The following DUSP1 variants were observed in gnomAD, a reference collection of about 807,000 sequenced individuals.
The protein encoded by DUSP1 is dual specificity protein phosphatase 1.
DUSP1 carries 10 observed loss-of-function variants against 27.4 expected under a neutral mutation model. That is an observed-to-expected ratio of 0.37 (90% CI 0.23 to 0.62). DUSP1 has a LOEUF of 0.62. Among genes scored for constraint, DUSP1 ranks in the 20% least tolerant of loss-of-function variants. The pLI is 0.68. For synonymous variants in DUSP1, 262 were observed against 223.6 expected, an observed-to-expected ratio of 1.17 and a Z score of -1.53; for missense variants, 425 against 508.1, an observed-to-expected ratio of 0.84 and a Z score of 1.57.
rs1479734129 is a variant in DUSP1 at position 172,771,142 on chromosome 5, T to TC, written c.-191dup. On this transcript the variant is annotated 5_prime_UTR_variant, in exon 1 of 4. Coordinates refer to ENST00000239223, the MANE Select transcript of DUSP1 (RefSeq NM_004417.4). ...CCGGGCTCCTCGGCTTCTTCGCGGTTCCCCCGACTGCCCCTCCGACCCGCG... is the reference window on the plus strand; with the variant it reads ...CCGGGCTCCTCGGCTTCTTCGCGGTTCCCCCCGACTGCCCCTCCGACCCGCG... 1.4e-6 allele frequency: 1 copy of TC among 734,774 alleles called. No homozygotes were observed. Among genetic ancestry groups the TC allele is most frequent in the Non-Finnish European group, 1.9e-6 (1 of 518,940 alleles). 45.5% of individuals were successfully genotyped at this position (734,774 alleles called of 1,614,324 possible).
intron 1 of DUSP1, 50 bp downstream of exon 1, chr5:172,770,536 G>C (rs745364103): frequency 3.3e-4 from 485 of 1,457,960 alleles, no homozygotes; most frequent in Non-Finnish European, 4.0e-4. Flanking sequence ...GGGGTACCGG[G>C]CAAAACCTCA....
intron 1 of DUSP1, 100 bp from the exon 2 acceptor site, chr5:172,770,406 A>T: frequency 6.3e-7 from 1 of 1,578,066 alleles, no homozygotes; most frequent in Non-Finnish European, 8.6e-7. Context: ...TTTACATCGG[A>T]AAGGCCCAGG....
At chr5:172,770,095 C>T (rs1759860204) in intron 2 of DUSP1, 66 bp downstream of exon 2, 1 of 1,520,356 alleles carries the variant, frequency 6.6e-7, no homozygotes, top group African/African-American at 1.4e-5. Context: ...TATATTCTCC[C>T]TGGCACTACT....
In DUSP1 at chr5:172,769,021, T is replaced by C; in HGVS notation, c.845A>G (p.Asp282Gly). Residue 282 changes from aspartate to glycine, a missense_variant, in exon 4 of 4, where the codon GAC (aspartate) becomes GGC (glycine). By Grantham distance (94) the Asp-to-Gly change is moderately conservative. Coordinates refer to ENST00000239223, the MANE Select transcript of DUSP1 (RefSeq NM_004417.4). ...YLMRTNRVKL[D>G]EAFEFVKQRR... The stretch of plus-strand genomic sequence containing the variant: ...CTGCTTCACAAACTCAAAGGCCTCG[T>C]CCAGCTTGACTCGATTAGTCCTCAT... 2 of 1,614,200 alleles carry C rather than the reference T, an allele frequency of 1.2e-6. No homozygotes were observed. Among genetic ancestry groups the C allele is most frequent in the African/African-American group, 2.7e-5 (2 of 75,042 alleles).
rs1759880324 is a variant in DUSP1, at chr5:172,770,808, T to A, written c.145A>T (p.Ser49Cys). 2 of 1,525,586 alleles carry A rather than the reference T, an allele frequency of 1.3e-6. No homozygotes were observed. Among genetic ancestry groups the A allele is most frequent in the African/African-American group, 1.4e-5 (1 of 71,696 alleles). 94.5% of individuals were successfully genotyped at this position (1,525,586 alleles called of 1,614,324 possible). ...TTGGCCCGGCGCCGCACGATGGTGC[T>A]GAAGCGCACGTTGACAGAGCCGGCG... is the stretch of plus-strand genomic sequence containing the variant. ...HIAGSVNVRF[S>C]TIVRRRAKGA... Residue 49 changes from serine (S) to cysteine (C), a missense_variant, in exon 1 of 4, where the codon AGC (serine) becomes TGC (cysteine). Transcript: ENST00000239223.
rs745555530 is a variant in DUSP1, at chr5:172,770,988, C to T, written c.-36G>A. 18 of 1,383,042 alleles carry T rather than the reference C, an allele frequency of 1.3e-5. No homozygotes were observed. Among genetic ancestry groups the T allele is most frequent in the Non-Finnish European group, 1.9e-6 (2 of 1,066,766 alleles). The allele number at this position is 1,383,042 out of a possible 1,614,324, so 85.7% of individuals were successfully genotyped here. A position where few individuals can be genotyped will look rare whatever the true frequency, so the allele number is the denominator to read the frequency against. On this transcript the variant is annotated 5_prime_UTR_variant, in exon 1 of 4. Transcript: ENST00000239223. ...AGCGCCCCCAGCGTGATCGGCCCTGCGGTGCTCTTTGTCTGTTCTCGGGGC... is the reference window on the plus strand; with the variant it reads ...AGCGCCCCCAGCGTGATCGGCCCTGTGGTGCTCTTTGTCTGTTCTCGGGGC...
At position 172,769,636 on chromosome 5, in the gene DUSP1, A is replaced by T; in HGVS notation, c.672T>A (p.Pro224=). 6.2e-7 allele frequency: 1 copy of T among 1,614,256 alleles called. No homozygotes were observed. Residue 224 remains proline (P), a synonymous_variant, in exon 3 of 4, where the codon CCT becomes CCA. Coordinates refer to ENST00000239223, the MANE Select transcript of DUSP1 (RefSeq NM_004417.4). ...FEGHYQYKSI[P]VEDNHKADIS... ...TGTCTGCCTTGTGGTTGTCCTCCACAGGGATGCTCTTGTACTGGTAGTGAC... is the reference window on the plus strand; with the variant it reads ...TGTCTGCCTTGTGGTTGTCCTCCACTGGGATGCTCTTGTACTGGTAGTGAC...
chr5:172,770,061 T>C lies in DUSP1; in HGVS notation c.513+100A>G, dbSNP rs1759859830. 23 of 1,477,966 alleles carry C rather than the reference T, an allele frequency of 1.6e-5. No individual in the cohort carries two copies. In the South Asian group the frequency reaches 2.9e-4, roughly 19 times the overall value. 91.6% of individuals were successfully genotyped at this position (1,477,966 alleles called of 1,614,324 possible). On this transcript the variant is annotated intron_variant, in intron 2 of 3. Coordinates refer to ENST00000239223, the MANE Select transcript of DUSP1 (RefSeq NM_004417.4). ...TCATATCCCTGTGTCCCCTCCGTTA[T>C]AAATAATGCTGCAGGTCACTTTCTA...
Position 172,770,622 on chromosome 5 carries a change from G to C in DUSP1, c.331C>G (p.Arg111Gly). ...TLALAAGALC[R>G]EARAAQVFFL... ...AAGACTTGCGCGGCGCGCGCCTCGC[G>C]GCAGAGCGCGCCGGCCGCCAGGGCC... The change falls in exon 1 of 4, where the codon CGC (arginine) becomes GGC (glycine). Residue 111 changes from arginine to glycine, a missense_variant. Arg to Gly is a moderately radical substitution (Grantham distance 125). This residue lies in a region of DUSP1 where 282 missense variants were observed against 319.3 expected (regional missense o/e 0.88). Transcript: ENST00000239223. 1 of 1,327,274 alleles carries C rather than the reference G, an allele frequency of 7.5e-7. No individual in the cohort carries two copies. Among genetic ancestry groups the C allele is most frequent in the South Asian group, 2.4e-5 (1 of 42,190 alleles). The allele number at this position is 1,327,274 out of a possible 1,614,324, so 82.2% of individuals were successfully genotyped here.
At chr5:172,770,475 T>C in intron 1 of DUSP1, 111 bp downstream of exon 1, 7 of 1,495,120 alleles carry the variant, frequency 4.7e-6, no homozygotes, top group Non-Finnish European at 6.1e-6. Flanking sequence ...ATAAATGTAC[T>C]CCAGCGCCCA....
Position 172,770,692 on chromosome 5 carries a change from G to T in DUSP1, c.261C>A (p.Asp87Glu). 1 of 1,369,682 alleles carries T rather than the reference G, an allele frequency of 7.3e-7. No homozygotes were observed. The highest frequency in any genetic ancestry group is 9.4e-7 in the Non-Finnish European group (1 of 1,065,578). 84.8% of individuals were successfully genotyped at this position (1,369,682 alleles called of 1,614,324 possible). Residue 87 changes from aspartate (D) to glutamate (E), a missense_variant, in exon 1 of 4, where the codon GAC (aspartate) becomes GAA (glutamate). Coordinates refer to ENST00000239223, the MANE Select transcript of DUSP1 (RefSeq NM_004417.4). ...AGAYHAVVLL[D>E]ERSAALDGAK... The stretch of plus-strand genomic sequence containing the variant: ...CGCCGTCCAGGGCGGCGCTGCGCTC[G>T]TCCAGCAACACCACGGCGTGGTAGG...
intron 1 of DUSP1, 77 bp downstream of exon 1, chr5:172,770,509 C>A: frequency 6.8e-7 from 1 of 1,466,822 alleles, no homozygotes; most frequent in African/African-American, 1.5e-5. Context: ...GGGCGATCCC[C>A]CGGGAGCCGA....
Position 172,768,934 on chromosome 5 carries a change from T to G in DUSP1, c.932A>C (p.Gln311Pro). The change falls in exon 4 of 4, where the codon CAG becomes CCG. Residue 311 changes from glutamine (Q) to proline (P), a missense_variant. This residue lies in a region of DUSP1 where 84 missense variants were observed against 80.5 expected (regional missense o/e 1.04). Transcript: ENST00000239223. ...TGCCGAACAGTGCGGAGCCAGCACC[T>G]GGGACTCAAACTGCAGCAGCTGGCC... ...FMGQLLQFES[Q>P]VLAPHCSAEA... 6.2e-7 allele frequency: 1 copy of G among 1,614,172 alleles called. No homozygotes were observed. Among genetic ancestry groups the G allele is most frequent in the Non-Finnish European group, 8.5e-7 (1 of 1,180,022 alleles).
chr5:172,769,746 G>C lies in DUSP1; in HGVS notation c.562C>G (p.His188Asp), dbSNP rs1759853266. 1 of 1,614,130 alleles carries C rather than the reference G, an allele frequency of 6.2e-7. No homozygotes were observed. Among genetic ancestry groups the C allele is most frequent in the Non-Finnish European group, 8.5e-7 (1 of 1,180,046 alleles). The part of the protein sequence containing the change: ...LPFLYLGSAY[H>D]ASRKDMLDAL... ...TCCAGCATGTCCTTGCGGGAAGCGT[G>C]ATACGCACTGCCCAGGTACAGAAAG... Residue 188 changes from histidine (H) to aspartate (D), a missense_variant, in exon 3 of 4, where the codon CAC becomes GAC. By Grantham distance (81) the His-to-Asp change is moderately conservative. Around this residue, in one of 3 missense-constraint regions of DUSP1, gnomAD observed 282 missense variants for 319.3 expected, o/e 0.88. Transcript: ENST00000239223.
At position 172,770,912 on chromosome 5, in the gene DUSP1, C is replaced by A; in HGVS notation, c.41G>T (p.Arg14Leu). Residue 14 changes from arginine to leucine, a missense_variant, in exon 1 of 4, where the codon CGG (arginine) becomes CTG (leucine). Physicochemically the swap from Arg to Leu is moderately radical, Grantham distance 102 (BLOSUM62 -2). Around this residue, in one of 3 missense-constraint regions of DUSP1, gnomAD observed 282 missense variants for 319.3 expected, o/e 0.88. Coordinates refer to ENST00000239223, the MANE Select transcript of DUSP1 (RefSeq NM_004417.4). ...EVGTLDAGGL[R>L]ALLGERAAQC... Reference sequence around the variant, plus strand: ...CGCCGCTCGCTCCCCCAGCAGCGCCCGCAGGCCTCCAGCGTCCAGGGTGCC... The same window carrying A: ...CGCCGCTCGCTCCCCCAGCAGCGCCAGCAGGCCTCCAGCGTCCAGGGTGCC... 6.5e-7 allele frequency: 1 copy of A among 1,536,750 alleles called. No individual in the cohort carries two copies. The highest frequency in any genetic ancestry group is 2.5e-5 in the East Asian group (1 of 40,610).
Position 172,770,949 on chromosome 5 carries a change from C to T in DUSP1, c.4G>A (p.Val2Ile), listed in dbSNP as rs1759884861. ...GCGTCCAGGGTGCCCACTTCCATGA[C>T]CATGGCCGGCCTCAGCGCCCCCAGC... M[V>I]MEVGTLDAGG... The change falls in exon 1 of 4, where the codon GTC becomes ATC. Residue 2 changes from valine to isoleucine, a missense_variant. Physicochemically the swap from Val to Ile is conservative, Grantham distance 29. This residue lies in a region of DUSP1 where 282 missense variants were observed against 319.3 expected (regional missense o/e 0.88). Transcript: ENST00000239223. 3 of 1,498,026 alleles carry T rather than the reference C, an allele frequency of 2.0e-6. No individual in the cohort carries two copies. The East Asian group carries it at 7.8e-5, about 39-fold the overall frequency. The allele number at this position is 1,498,026 out of a possible 1,614,324, so 92.8% of individuals were successfully genotyped here.
chr5:172,769,719 C>A lies in DUSP1; in HGVS notation c.589G>T (p.Ala197Ser). 1 of 1,614,282 alleles carries A rather than the reference C, an allele frequency of 6.2e-7. No individual in the cohort carries two copies. Among genetic ancestry groups the A allele is most frequent in the Non-Finnish European group, 8.5e-7 (1 of 1,180,056 alleles). ...YHASRKDMLDALGITALINVS... is the reference protein window; with the variant it reads ...YHASRKDMLDSLGITALINVS... ...TTGATCAAGGCAGTGATGCCCAAGG[C>A]ATCCAGCATGTCCTTGCGGGAAGCG... is the stretch of plus-strand genomic sequence containing the variant. The change falls in exon 3 of 4, where the codon GCC becomes TCC. Residue 197 changes from alanine (A) to serine (S), a missense_variant. Ala to Ser is a moderately conservative substitution (Grantham distance 99). This residue lies in a region of DUSP1 where 282 missense variants were observed against 319.3 expected (regional missense o/e 0.88). Transcript: ENST00000239223.
In DUSP1 at chr5:172,769,662, C is replaced by T. The variant is rs751953033; in HGVS notation, c.646G>A (p.Gly216Ser). ...VSANCPNHFE[G>S]HYQYKSIPVE... ...GGGATGCTCTTGTACTGGTAGTGAC[C>T]CTCAAAATGGTTGGGACAATTGGCT... The change falls in exon 3 of 4, where the codon GGT (glycine) becomes AGT (serine). Residue 216 changes from glycine (G) to serine (S), a missense_variant. This residue lies in a region of DUSP1 where 282 missense variants were observed against 319.3 expected (regional missense o/e 0.88). Transcript: ENST00000239223. The T allele has an allele frequency of 9.3e-6, 15 of 1,614,080 alleles. 1 individual carries two copies. In the South Asian group the frequency reaches 1.4e-4, roughly 15 times the overall value.
At chr5:172,769,181 C>A in intron 3 of DUSP1, 49 bp from the exon 4 acceptor site, 2 of 1,560,546 alleles carry the variant, frequency 1.3e-6, no homozygotes, top group Non-Finnish European at 1.7e-6. Flanking sequence ...AGGAGAACCA[C>A]CCCAAGCCCA....
Sources: gnomAD v4.1 joint callset for allele counts on GRCh38, gnomAD v4.1.1 for gene constraint, gnomAD v4.1.1 regional missense constraint, MANE v1.5 for transcripts, NCBI Gene and HGNC (gene_info 2026-07-23, HGNC 2026-07-21) for gene names.